The following TENM4 variants were observed in gnomAD, a reference collection of about 807,000 sequenced individuals.
TENM4 encodes the protein teneurin transmembrane protein 4.
Under a neutral mutation model 243.3 loss-of-function variants are expected in TENM4, and 82 were observed. The observed-to-expected ratio is 0.34, with a 90% CI of 0.28 to 0.40. The LOEUF (loss-of-function observed/expected upper bound fraction) is 0.40, where lower values mean the gene tolerates loss of function less well. TENM4 is among the 10% of genes least tolerant of loss of function. The probability of loss-of-function intolerance (pLI) is 1.00; values close to 1 mark genes in which losing one functional copy is unlikely to be tolerated. For missense variants in TENM4, 3,138 were observed against 3,673.3 expected, an observed-to-expected ratio of 0.85 and a Z score of 3.77; for synonymous variants, 1,412 against 1,456.3, an observed-to-expected ratio of 0.97 and a Z score of 0.69.
chr11:78,823,149 G>A (rs1010650964), intron 12 of TENM4, among the ~76,000 whole-genome samples: 2 of 152,190 alleles, frequency 1.3e-5, no homozygotes, highest in South Asian at 2.1e-4. Context: ...CAAGTGCCGC[G>A]CTCTTCAAGA....
At chr11:78,710,343 G>A (rs950860388) in intron 26 of TENM4, among the ~76,000 whole-genome samples, 5 of 152,300 alleles carry the variant, frequency 3.3e-5, no homozygotes, top group East Asian at 3.9e-4. Flanking sequence ...GGGGACCCAC[G>A]TGTCTCTCAC....
At chr11:79,349,387 T>C (rs1223299635) in intron 1 of TENM4, among the ~76,000 whole-genome samples, 1 of 152,364 alleles carries the variant, frequency 6.6e-6, no homozygotes, top group East Asian at 1.9e-4. Context: ...TGCTAAAGTG[T>C]GCAGCAGATT....
At chr11:79,391,500 T>C (rs749898198) in intron 1 of TENM4, among the ~76,000 whole-genome samples, 14 of 152,198 alleles carry the variant, frequency 9.2e-5, no homozygotes, top group Non-Finnish European at 2.1e-4. Flanking sequence ...TTCATCTCTC[T>C]ATGAATTTAT....
At chr11:79,111,658 A>C (rs1049950144) in intron 4 of TENM4, among the ~76,000 whole-genome samples, 4 of 152,030 alleles carry the variant, frequency 2.6e-5, no homozygotes, top group Admixed American at 2.6e-4. Context: ...AAACTGATAT[A>C]CTCCTTAATG....
At chr11:79,080,043 C>T (rs1212200534) in intron 4 of TENM4, among the ~76,000 whole-genome samples, 1 of 152,134 alleles carries the variant, frequency 6.6e-6, no homozygotes, top group Non-Finnish European at 1.5e-5. Flanking sequence ...AGCTCTACTC[C>T]TTGGGGTCTC....
In TENM4 at chr11:78,782,279, T is replaced by C. The variant is rs959669403; in HGVS notation, c.2366-3651A>G. ...TTGTTAGAGACCAGCCTGGTCAACA[T>C]GGTGAAACCCCGTCACTACTAAAAA... On this transcript the variant is annotated intron_variant, in intron 16 of 33. Transcript: ENST00000278550. Among the ~76,000 whole-genome samples, 29 of 151,650 alleles carry C rather than the reference T, an allele frequency of 1.9e-4. No individual in the cohort carries two copies. The East Asian group carries it at 4.7e-3, about 25-fold the overall frequency.
At chr11:79,426,434 A>G (rs1859051000) in intron 1 of TENM4, among the ~76,000 whole-genome samples, 1 of 152,198 alleles carries the variant, frequency 6.6e-6, no homozygotes, top group African/African-American at 2.4e-5. Flanking sequence ...CCCTCTGGAA[A>G]ATGGGAACTA....
chr11:79,032,468 T>C (rs1859268898), intron 6 of TENM4, among the ~76,000 whole-genome samples: 1 of 152,194 alleles, frequency 6.6e-6, no homozygotes, highest in African/African-American at 2.4e-5. Flanking sequence ...ACTGCCAGCC[T>C]AGTGCTTTTT....
At chr11:79,163,624 A>G (rs1862805921) in intron 3 of TENM4, among the ~76,000 whole-genome samples, 1 of 151,750 alleles carries the variant, frequency 6.6e-6, no homozygotes, top group Non-Finnish European at 1.5e-5. Context: ...TCCCATTATG[A>G]GTGAGAACAT....
At position 78,729,709 on chromosome 11, in the gene TENM4, G is replaced by A. The variant is rs145950270; in HGVS notation, c.3139-66C>T. On this transcript the variant is annotated intron_variant, in intron 21 of 33. Transcript: ENST00000278550. ...ACTCACCGAGTGGAGGGAAGATGGC[G>A]TGGCCCCATGGACTCTGGGTGTTCA... is the stretch of plus-strand genomic sequence containing the variant. The A allele has an allele frequency of 2.9e-4, 448 of 1,533,826 alleles. 6 individuals carry two copies. The East Asian group carries it at 4.4e-3, about 15-fold the overall frequency.
At chr11:78,875,779 A>G (rs1257278913) in intron 9 of TENM4, among the ~76,000 whole-genome samples, 1 of 152,240 alleles carries the variant, frequency 6.6e-6, no homozygotes, top group Non-Finnish European at 1.5e-5. Flanking sequence ...GATAAGTAAG[A>G]CTGTTGAAGA....
At chr11:79,206,637 T>C (rs1863854061) in intron 3 of TENM4, among the ~76,000 whole-genome samples, 1 of 152,188 alleles carries the variant, frequency 6.6e-6, no homozygotes, top group African/African-American at 2.4e-5. Flanking sequence ...GCTATTCTCA[T>C]GAATAAGTCT....
In TENM4 at chr11:78,688,199, A is replaced by G. The variant is rs932804067; in HGVS notation, c.5115T>C (p.Asn1705=). ...TCACCTGGCCAGTAGGGAAGGTCAC[A>G]TTTGTCAGGCGGCCAAAGCTGTCGT... ...YEYDSFGRLT[N]VTFPTGQVSS... Residue 1705 remains asparagine (N), a synonymous_variant, in exon 29 of 34, where the codon AAT becomes AAC. Coordinates refer to ENST00000278550, the MANE Select transcript of TENM4 (RefSeq NM_001098816.3). The G allele has an allele frequency of 3.1e-6, 5 of 1,613,508 alleles. No individual in the cohort carries two copies. Among genetic ancestry groups the G allele is most frequent in the African/African-American group, 1.3e-5 (1 of 74,890 alleles).
intron 1 of TENM4, among the ~76,000 whole-genome samples, chr11:79,365,861 G>A (rs868787882): frequency 1.3e-5 from 2 of 152,178 alleles, no homozygotes; most frequent in African/African-American, 2.4e-5. Context: ...GTAGAGGCAA[G>A]GGTAGAAAAA....
chr11:79,281,553 A>G (rs1423695598), intron 2 of TENM4, among the ~76,000 whole-genome samples: 1 of 152,176 alleles, frequency 6.6e-6, no homozygotes, highest in Non-Finnish European at 1.5e-5. Flanking sequence ...CTTGGAAATC[A>G]TAGTCAAGAT....
intron 23 of TENM4, among the ~76,000 whole-genome samples, chr11:78,724,687 G>A (rs1177516520): frequency 6.6e-6 from 1 of 152,118 alleles, no homozygotes; most frequent in Non-Finnish European, 1.5e-5. Context: ...ATTTAGCTGG[G>A]CACGTGACTG....
At chr11:78,985,918 C>T (rs958486863) in intron 6 of TENM4, among the ~76,000 whole-genome samples, 4 of 152,218 alleles carry the variant, frequency 2.6e-5, no homozygotes, top group South Asian at 4.1e-4. Context: ...ATAGAGGTGC[C>T]ACTCCATGCC....
chr11:79,313,943 C>T (rs79414983), intron 1 of TENM4, among the ~76,000 whole-genome samples: 1,949 of 152,282 alleles, frequency 0.013, 46 homozygotes, highest in African/African-American at 0.045. Flanking sequence ...GGTGGCCAAT[C>T]CTTTCTCCCA....
chr11:79,373,321 GCT>G (rs1857823831), intron 1 of TENM4, among the ~76,000 whole-genome samples: 1 of 114,886 alleles, frequency 8.7e-6, no homozygotes, highest in African/African-American at 3.3e-5. Flanking sequence ...TGGCTGGCTG[GCT>G]GGCTGGCTGG....
Sources: allele counts gnomAD v4.1 joint callset (sites outside exome capture counted in the v4.1 genomes callset), GRCh38; gene constraint gnomAD v4.1.1; transcripts MANE v1.5; gene names NCBI Gene and HGNC (gene_info 2026-07-23, HGNC 2026-07-21).